The following CSMD1 variants were observed in gnomAD, a reference collection of about 807,000 sequenced individuals.
The protein encoded by CSMD1 is CUB and Sushi multiple domains 1, also known as CUB and sushi domain-containing protein 1.
A neutral mutation model predicts 417.5 loss-of-function variants in CSMD1; 213 were observed. The observed-to-expected ratio is 0.51, with a 90% confidence interval of 0.46 to 0.57. The LOEUF (loss-of-function observed/expected upper bound fraction) is 0.57. CSMD1 is among the 20% of genes least tolerant of loss of function. The pLI is 0.00. For synonymous variants in CSMD1, 2,862 were observed against 1,736.8 expected, an observed-to-expected ratio of 1.65 and a Z score of -16.11; for missense variants, 6,923 against 4,529.7, an observed-to-expected ratio of 1.53 and a Z score of -15.17.
At chr8:4,587,864 T>C (rs867178500) in intron 2 of CSMD1, among the ~76,000 whole-genome samples, 25 of 152,212 alleles carry the variant, frequency 1.6e-4, no homozygotes, top group Non-Finnish European at 2.6e-4. Flanking sequence ...ATGAAATTTA[T>C]TGAAATGTAA....
At chr8:3,187,071 T>C (rs1214829824) in intron 36 of CSMD1, among the ~76,000 whole-genome samples, 1 of 152,218 alleles carries the variant, frequency 6.6e-6, no homozygotes, top group East Asian at 1.9e-4. Flanking sequence ...TAAGCATTCA[T>C]GTTAACAGAA....
chr8:3,858,764 T>C (rs564841472), intron 5 of CSMD1, among the ~76,000 whole-genome samples: 6 of 152,200 alleles, frequency 3.9e-5, no homozygotes, highest in Non-Finnish European at 8.8e-5. Context: ...CACTCCTGTA[T>C]AACTTATTTA....
chr8:4,943,700 T>C (rs974050853), intron 1 of CSMD1, among the ~76,000 whole-genome samples: 1 of 152,174 alleles, frequency 6.6e-6, no homozygotes, highest in Non-Finnish European at 1.5e-5. Context: ...CTGTTCCACA[T>C]GTCATTCCTA....
chr8:4,756,256 A>G (rs1811660627), intron 1 of CSMD1, among the ~76,000 whole-genome samples: 1 of 152,212 alleles, frequency 6.6e-6, no homozygotes, highest in Non-Finnish European at 1.5e-5. Context: ...TACAGAAAAG[A>G]GCTAGTATAA....
intron 10 of CSMD1, among the ~76,000 whole-genome samples, chr8:3,570,852 C>T (rs1403144259): frequency 6.6e-6 from 1 of 152,150 alleles, no homozygotes; most frequent in Non-Finnish European, 1.5e-5. Context: ...GACTTCCTCT[C>T]TGTCAAGTAG....
chr8:3,842,359 C>G (rs1341679682), intron 5 of CSMD1, among the ~76,000 whole-genome samples: 1 of 152,090 alleles, frequency 6.6e-6, no homozygotes, highest in Non-Finnish European at 1.5e-5. Flanking sequence ...CATATCAATA[C>G]CACTAATAAT....
intron 26 of CSMD1, among the ~76,000 whole-genome samples, chr8:3,258,664 C>A (rs1430711246): frequency 6.6e-6 from 1 of 152,174 alleles, no homozygotes; most frequent in Non-Finnish European, 1.5e-5. Flanking sequence ...CAGCACTATT[C>A]ACCACAGCAA....
chr8:4,495,404 T>C (rs1007922319), intron 2 of CSMD1, among the ~76,000 whole-genome samples: 1 of 151,986 alleles, frequency 6.6e-6, no homozygotes, highest in African/African-American at 2.4e-5. Context: ...TGAAACCCCA[T>C]CTCTACTAAA....
intron 2 of CSMD1, among the ~76,000 whole-genome samples, chr8:4,565,404 A>T (rs2725009): frequency 3.6e-4 from 55 of 151,916 alleles, no homozygotes; most frequent in Non-Finnish European, 7.4e-4. Flanking sequence ...TTCATTTTAC[A>T]TTGCAGTGGA....
At chr8:3,656,461 G>C (rs1441632411) in intron 7 of CSMD1, among the ~76,000 whole-genome samples, 2 of 152,094 alleles carry the variant, frequency 1.3e-5, no homozygotes, top group African/African-American at 2.4e-5. Flanking sequence ...GATGGTGTTT[G>C]GTGGACAGAA....
At chr8:4,268,080 A>C (rs544775687) in intron 3 of CSMD1, among the ~76,000 whole-genome samples, 49 of 152,230 alleles carry the variant, frequency 3.2e-4, no homozygotes, top group African/African-American at 1.2e-3. Flanking sequence ...CAATCCACAA[A>C]TTGAAACATT....
chr8:3,404,385 T>C (rs570169372), intron 15 of CSMD1, among the ~76,000 whole-genome samples: 1 of 149,492 alleles, frequency 6.7e-6, no homozygotes, highest in African/African-American at 2.5e-5. Flanking sequence ...TAATGGTGAG[T>C]AACTTCTTTG....
At chr8:3,178,055 T>C (rs1585565710) in intron 37 of CSMD1, among the ~76,000 whole-genome samples, 2 of 152,330 alleles carry the variant, frequency 1.3e-5, no homozygotes, top group East Asian at 3.9e-4. Flanking sequence ...AGCTTTTACT[T>C]GGATTCTGTA....
chr8:3,314,269 C>G (rs1351694177), intron 23 of CSMD1, among the ~76,000 whole-genome samples: 1 of 152,034 alleles, frequency 6.6e-6, no homozygotes, highest in East Asian at 1.9e-4. Context: ...AAAAATAAAT[C>G]TCAAGTTTTT....
rs565406515 is a variant in CSMD1, at chr8:3,667,131, G to T, written c.1009+41283C>A. 2.4e-4 allele frequency among the ~76,000 whole-genome samples: 36 copies of T among 152,216 alleles called. No homozygotes were observed. The South Asian group carries it at 6.4e-3, about 27-fold the overall frequency. On this transcript the variant is annotated intron_variant, in intron 7 of 69. Coordinates refer to ENST00000635120, the MANE Select transcript of CSMD1 (RefSeq NM_033225.6). ...TAGGCATTAGGGATACACCAGTTTG[G>T]GAGTGAGGTAAAGGGGGGCTGTTCT...
intron 10 of CSMD1, among the ~76,000 whole-genome samples, chr8:3,518,666 G>C (rs766130834): frequency 1.1e-4 from 17 of 152,090 alleles, no homozygotes; most frequent in African/African-American, 4.1e-4. Context: ...AAACAAATGA[G>C]AAACAACTAA....
intron 10 of CSMD1, among the ~76,000 whole-genome samples, chr8:3,569,804 G>A (rs963457697): frequency 7.9e-5 from 12 of 152,146 alleles, no homozygotes; most frequent in Non-Finnish European, 1.8e-4. Context: ...TAATTGAGAT[G>A]CCTTCAGGTG....
intron 10 of CSMD1, among the ~76,000 whole-genome samples, chr8:3,550,208 G>C (rs973008251): frequency 5.3e-5 from 8 of 152,134 alleles, no homozygotes; most frequent in African/African-American, 1.7e-4. Flanking sequence ...CCCATCAGCA[G>C]GCATTCCAAT....
Position 3,708,439 on chromosome 8 carries a change from C to G in CSMD1, c.984G>C (p.Lys328Asn). 6.2e-7 allele frequency: 1 copy of G among 1,613,920 alleles called. No individual in the cohort carries two copies. Among genetic ancestry groups the G allele is most frequent in the Non-Finnish European group, 8.5e-7 (1 of 1,179,864 alleles). ...KSRGVKMLPS[K>N]DGSHKNSVLS... ...AGACAGAGTTTTTATGGCTTCCATC[C>G]TTGCTGGGCAGCATCTTGACTCCTC... The change falls in exon 7 of 70, where the codon AAG becomes AAC. Residue 328 changes from lysine to asparagine, a missense_variant. Physicochemically the swap from Lys to Asn is moderately conservative, Grantham distance 94 (BLOSUM62 0). Transcript: ENST00000635120.
Sources: allele counts gnomAD v4.1 joint callset (sites outside exome capture counted in the v4.1 genomes callset), GRCh38; gene constraint gnomAD v4.1.1; transcripts MANE v1.5; gene names NCBI Gene and HGNC (gene_info 2026-07-23, HGNC 2026-07-21).